The following GRIN2B variants were observed in gnomAD, a reference collection of about 807,000 sequenced individuals.
The protein encoded by GRIN2B is glutamate ionotropic receptor NMDA type subunit 2B.
A neutral mutation model predicts 114.5 loss-of-function variants in GRIN2B; 5 were observed. The observed-to-expected ratio is 0.04, with a 90% confidence interval of 0.02 to 0.09. The LOEUF is 0.09. Among genes scored for constraint, GRIN2B ranks in the 10% least tolerant of loss-of-function variants. The probability of loss-of-function intolerance (pLI) is 1.00; values close to 1 mark genes in which losing one functional copy is unlikely to be tolerated. For synonymous variants in GRIN2B, 787 were observed against 745.1 expected (o/e 1.06, Z -0.92); for missense variants, 1,108 against 1,943.5 (o/e 0.57, Z 8.08).
intron 3 of GRIN2B, among the ~76,000 whole-genome samples, chr12:13,864,534 C>T (rs1364865255): frequency 2.0e-5 from 3 of 152,186 alleles, no homozygotes; most frequent in Non-Finnish European, 4.4e-5. Context: ...GTGAAACTAA[C>T]TATTCTAAGA....
Position 13,746,048 on chromosome 12 carries a change from T to TA in GRIN2B, c.1010+7268_1010+7269insT, listed in dbSNP as rs1285728369. Among the ~76,000 whole-genome samples, 226 of 152,134 alleles carry TA rather than the reference T, an allele frequency of 1.5e-3. 2 individuals are homozygous for TA. Among genetic ancestry groups the TA allele is most frequent in the African/African-American group, 5.3e-3 (219 of 41,518 alleles). ...GACAAAAAAAATTTTTTAAATATAA[T>TA]TTATACAGTATATCAGATATGTGCT... On this transcript the variant is annotated intron_variant, in intron 4 of 13. Coordinates refer to ENST00000609686, the MANE Select transcript of GRIN2B (RefSeq NM_000834.5).
chr12:13,806,525 T>C (rs1397387707), intron 3 of GRIN2B, among the ~76,000 whole-genome samples: 1 of 152,192 alleles, frequency 6.6e-6, no homozygotes, highest in Non-Finnish European at 1.5e-5. Context: ...ATGTCTTCCT[T>C]TGAGAAATGT....
intron 3 of GRIN2B, among the ~76,000 whole-genome samples, chr12:13,782,042 G>A (rs1285863630): frequency 2.0e-5 from 3 of 152,158 alleles, no homozygotes; most frequent in Non-Finnish European, 1.5e-5. Context: ...ACAAACCTTA[G>A]CTCTTCTGTG....
At chr12:13,864,809 T>G (rs1395900016) in intron 3 of GRIN2B, among the ~76,000 whole-genome samples, 7 of 152,198 alleles carry the variant, frequency 4.6e-5, no homozygotes, top group African/African-American at 1.7e-4. Flanking sequence ...GTTGTCAATC[T>G]TAACTGCACT....
At chr12:13,887,325 C>T (rs796336819) in intron 2 of GRIN2B, among the ~76,000 whole-genome samples, 9 of 152,154 alleles carry the variant, frequency 5.9e-5, no homozygotes, top group African/African-American at 1.9e-4. Flanking sequence ...TATAAATGTA[C>T]ATGCAGCTCA....
At chr12:13,902,088 A>G (rs1866461899) in intron 2 of GRIN2B, among the ~76,000 whole-genome samples, 1 of 152,168 alleles carries the variant, frequency 6.6e-6, no homozygotes, top group African/African-American at 2.4e-5. Flanking sequence ...ATGTTACACC[A>G]TTCAGCTTTA....
chr12:13,835,646 C>T (rs769552798), intron 3 of GRIN2B, among the ~76,000 whole-genome samples: 26 of 151,800 alleles, frequency 1.7e-4, no homozygotes, highest in Non-Finnish European at 2.6e-4. Context: ...CAGGAAGGCA[C>T]CCCCTTTAGC....
chr12:13,906,825 G>A (rs907535755), intron 2 of GRIN2B, among the ~76,000 whole-genome samples: 2 of 152,114 alleles, frequency 1.3e-5, no homozygotes. Flanking sequence ...TGAAATTTTA[G>A]TATTTAATAT....
At chr12:13,941,473 G>A (rs899041606) in intron 2 of GRIN2B, among the ~76,000 whole-genome samples, 2 of 152,204 alleles carry the variant, frequency 1.3e-5, no homozygotes, top group Admixed American at 6.5e-5. Flanking sequence ...TCAAAGCCAG[G>A]TGAGGAACGG....
Position 13,745,389 on chromosome 12 carries a change from G to A in GRIN2B, c.1010+7928C>T, listed in dbSNP as rs905727717. ...CCATTAACTGTGAATTTGCATCCTT[G>A]TCTAGGTAAGAACCAAGGGAGCAAG... is the stretch of plus-strand genomic sequence containing the variant. On this transcript the variant is annotated intron_variant, in intron 4 of 13. Coordinates refer to ENST00000609686, the MANE Select transcript of GRIN2B (RefSeq NM_000834.5). 4.7e-4 allele frequency among the ~76,000 whole-genome samples: 72 copies of A among 152,176 alleles called. 1 individual carries two copies. The highest frequency in any genetic ancestry group is 1.7e-3 in the African/African-American group (71 of 41,438).
At chr12:13,878,103 C>T (rs994653300) in intron 2 of GRIN2B, among the ~76,000 whole-genome samples, 5 of 151,934 alleles carry the variant, frequency 3.3e-5, no homozygotes, top group Non-Finnish European at 7.4e-5. Flanking sequence ...CTGTCTACTC[C>T]GCTCTGCGCT....
At chr12:13,805,860 T>G (rs1476153443) in intron 3 of GRIN2B, among the ~76,000 whole-genome samples, 3 of 152,172 alleles carry the variant, frequency 2.0e-5, no homozygotes, top group African/African-American at 7.2e-5. Flanking sequence ...AACTGGAATT[T>G]TGTATCCTTT....
chr12:13,587,266 T>C (rs1454274685), intron 10 of GRIN2B, among the ~76,000 whole-genome samples: 3 of 151,870 alleles, frequency 2.0e-5, no homozygotes, highest in African/African-American at 7.3e-5. Context: ...TTTAACAATA[T>C]ACCACTCGTA....
At chr12:13,885,030 C>T (rs1866132071) in intron 2 of GRIN2B, among the ~76,000 whole-genome samples, 1 of 151,974 alleles carries the variant, frequency 6.6e-6, no homozygotes. Flanking sequence ...GAGGTTATAG[C>T]TATTCGTGTA....
At chr12:13,764,359 C>T (rs1016289285) in intron 3 of GRIN2B, among the ~76,000 whole-genome samples, 1 of 152,190 alleles carries the variant, frequency 6.6e-6, no homozygotes, top group Non-Finnish European at 1.5e-5. Context: ...ATCAGCACTG[C>T]AGCCCAGGCT....
At chr12:13,645,873 C>T (rs1373534865) in intron 5 of GRIN2B, among the ~76,000 whole-genome samples, 1 of 151,956 alleles carries the variant, frequency 6.6e-6, no homozygotes, top group Non-Finnish European at 1.5e-5. Context: ...GTTTAAGTAA[C>T]AGAAAGAGAA....
chr12:13,757,030 C>T (rs3026186), intron 3 of GRIN2B, among the ~76,000 whole-genome samples: 1,740 of 152,284 alleles, frequency 0.011, 38 homozygotes, highest in African/African-American at 0.04. Flanking sequence ...TACATCCTTA[C>T]CGTACCTTCT....
intron 4 of GRIN2B, among the ~76,000 whole-genome samples, chr12:13,712,461 C>T (rs968193630): frequency 6.6e-6 from 1 of 151,234 alleles, no homozygotes; most frequent in African/African-American, 2.4e-5. Context: ...TAAATCAAAA[C>T]AGTGGTCGCC....
intron 2 of GRIN2B, among the ~76,000 whole-genome samples, chr12:13,900,203 G>A (rs1866420955): frequency 6.6e-6 from 1 of 152,148 alleles, no homozygotes; most frequent in Admixed American, 6.5e-5. Context: ...GCCGGGCACG[G>A]TGGCTCATGC....
Sources: allele counts gnomAD v4.1 joint callset (sites outside exome capture counted in the v4.1 genomes callset), GRCh38; gene constraint gnomAD v4.1.1; transcripts MANE v1.5; gene names NCBI Gene and HGNC (gene_info 2026-07-23, HGNC 2026-07-21).